Variants in RBM5 observed in about 807,000 individuals in gnomAD.
RBM5 encodes the protein RNA binding motif protein 5.
A neutral mutation model predicts 124.6 loss-of-function variants in RBM5; 15 were observed. The ratio of observed to expected loss-of-function variants is 0.12; its 90% CI spans 0.08 to 0.19. RBM5 has a LOEUF of 0.19. Ranked by LOEUF, RBM5 falls within the 10% of genes least tolerant of loss-of-function variation. RBM5 has a pLI of 1.00. For missense variants in RBM5, 580 were observed against 1,026.5 expected (o/e 0.57, Z 5.94); for synonymous variants, 337 against 361.2 (o/e 0.93, Z 0.76).
chr3:50,099,654 C>G (rs1002517354), intron 4 of RBM5: 1 of 162,426 alleles, frequency 6.2e-6, no homozygotes, highest in Non-Finnish European at 1.3e-5. Flanking sequence ...GCCGAGATCA[C>G]GTCACTGTAC....
At chr3:50,106,890 C>A (rs759715249) in intron 11 of RBM5, 26 bp downstream of exon 11, 1 of 1,504,080 alleles carries the variant, frequency 6.6e-7, no homozygotes. Flanking sequence ...GTCCTTATTT[C>A]AAACTACTGC....
In RBM5 at chr3:50,117,483, T is replaced by G; in HGVS notation, c.2322+104T>G. ...CCTGGGAGCCAGGAGCAGCTTTACC[T>G]TAGCATGAAGGGGCAGATTACAGGC... On this transcript the variant is annotated intron_variant, in intron 24 of 24. Coordinates refer to ENST00000347869, the MANE Select transcript of RBM5 (RefSeq NM_005778.4). The surrounding 1 kb of genome is among the most constrained non-coding windows in gnomAD (Gnocchi z 4.2). 6.6e-7 allele frequency: 1 copy of G among 1,505,440 alleles called. No individual in the cohort carries two copies. Among genetic ancestry groups the G allele is most frequent in the Non-Finnish European group, 9.0e-7 (1 of 1,109,752 alleles). The allele number at this position is 1,505,440 out of a possible 1,614,324, so 93.3% of individuals were successfully genotyped here.
chr3:50,109,721 G>A, intron 15 of RBM5, 33 bp downstream of exon 15: 1 of 1,572,970 alleles, frequency 6.4e-7, no homozygotes, highest in Non-Finnish European at 8.8e-7. Flanking sequence ...AAAACTCGTG[G>A]CTGATGGGGA....
Position 50,100,295 on chromosome 3 carries a change from T to C in RBM5, c.410-237T>C, listed in dbSNP as rs1308633297. 77 of 547,628 alleles carry C rather than the reference T, an allele frequency of 1.4e-4. No homozygotes were observed. Among genetic ancestry groups the C allele is most frequent in the Non-Finnish European group, 1.6e-5 (5 of 312,760 alleles). The allele number at this position is 547,628 out of a possible 1,614,324, so 33.9% of individuals were successfully genotyped here. Reference sequence around the variant, plus strand: ...TTATAAACTCCTTTTTTTTTTTGACTATAGTCGGTTGCATGGTTACTTTAA... The same window carrying C: ...TTATAAACTCCTTTTTTTTTTTGACCATAGTCGGTTGCATGGTTACTTTAA... On this transcript the variant is annotated intron_variant, in intron 5 of 24. Transcript: ENST00000347869. This position sits in a 1 kb window ranked among gnomAD's most constrained non-coding sequence, Gnocchi z 5.1.
chr3:50,102,777 C>T, intron 6 of RBM5: 2 of 337,366 alleles, frequency 5.9e-6, no homozygotes, highest in South Asian at 3.3e-5. Context: ...CACACTCAGG[C>T]AGCCTGTCAA....
Position 50,093,761 on chromosome 3 carries a change from C to G in RBM5, c.225C>G (p.Gly75=). Residue 75 remains glycine (G), a synonymous_variant, in exon 4 of 25, where the codon GGC becomes GGG. Transcript: ENST00000347869. ...ERRNSDRSED[G]YHSDGDYGEH... is the part of the protein sequence containing the mutation. ...GGAACAGTGACCGATCCGAAGATGG[C>G]TACCATTCAGATGGTGACTATGGTG... 6.2e-7 allele frequency: 1 copy of G among 1,613,930 alleles called. No homozygotes were observed. The highest frequency in any genetic ancestry group is 8.5e-7 in the Non-Finnish European group (1 of 1,179,862).
At position 50,105,066 on chromosome 3, in the gene RBM5, T is replaced by C; in HGVS notation, c.629-11T>C. The C allele has an allele frequency of 6.4e-7, 1 of 1,553,024 alleles. No homozygotes were observed. Among genetic ancestry groups the C allele is most frequent in the Non-Finnish European group, 8.9e-7 (1 of 1,127,082 alleles). On this transcript the variant is annotated splice_polypyrimidine_tract_variant and intron_variant, in intron 8 of 24. Coordinates refer to ENST00000347869, the MANE Select transcript of RBM5 (RefSeq NM_005778.4). ...GTTGTTTGTCTCTAATTGGATCACT[T>C]TCCCTTCTAGACTCTGAACAGGAAG...
In RBM5 at chr3:50,100,659, ATTTT is replaced by A; in HGVS notation, c.483+55_483+58del. ...CATGAAAATGGAACAAGTCTGTACA[ATTTT>A]AAAAAAAGGTTGAAGGAGTGGTTTG... is the stretch of plus-strand genomic sequence containing the variant. On this transcript the variant is annotated intron_variant, in intron 6 of 24. Coordinates refer to ENST00000347869, the MANE Select transcript of RBM5 (RefSeq NM_005778.4). The surrounding 1 kb of genome is among the most constrained non-coding windows in gnomAD (Gnocchi z 5.1). 1 of 1,457,534 alleles carries A rather than the reference ATTTT, an allele frequency of 6.9e-7. No homozygotes were observed. Among genetic ancestry groups the A allele is most frequent in the Admixed American group, 1.8e-5 (1 of 55,866 alleles). The allele number at this position is 1,457,534 out of a possible 1,614,324, so 90.3% of individuals were successfully genotyped here.
At position 50,100,830 on chromosome 3, in the gene RBM5, T is replaced by A. The variant is rs2090923717; in HGVS notation, c.483+225T>A. 2.2e-6 allele frequency: 1 copy of A among 446,878 alleles called. No homozygotes were observed. The highest frequency in any genetic ancestry group is 4.0e-6 in the Non-Finnish European group (1 of 250,664). The allele number at this position is 446,878 out of a possible 1,614,324, so 27.7% of individuals were successfully genotyped here. A position where few individuals can be genotyped will look rare whatever the true frequency, so the allele number is the denominator to read the frequency against. ...GGCTACCTACCTGGCAGGGCTTTGTTAACTACTGAATACCTGTCTGGTAAT... is the reference window on the plus strand; with the variant it reads ...GGCTACCTACCTGGCAGGGCTTTGTAAACTACTGAATACCTGTCTGGTAAT... On this transcript the variant is annotated intron_variant, in intron 6 of 24. Coordinates refer to ENST00000347869, the MANE Select transcript of RBM5 (RefSeq NM_005778.4). This position sits in a 1 kb window ranked among gnomAD's most constrained non-coding sequence, Gnocchi z 5.1.
chr3:50,111,783 T>G lies in RBM5; in HGVS notation c.1455+1013T>G, dbSNP rs143657012. On this transcript the variant is annotated intron_variant, in intron 17 of 24. Transcript: ENST00000347869. ...ATTCTTGAGGGTAGAATTTAGCAGA[T>G]GTATGGAGTGATGTTTTATTTTTGG... is the stretch of plus-strand genomic sequence containing the variant. Among the ~76,000 whole-genome samples, 1,065 of 152,312 alleles carry G rather than the reference T, an allele frequency of 7.0e-3. 14 individuals are homozygous for G. Among genetic ancestry groups the G allele is most frequent in the African/African-American group, 0.024 (1,014 of 41,548 alleles).
At chr3:50,102,950 G>A (rs778844558) in intron 6 of RBM5, 133 bp from the exon 7 acceptor site, 5 of 694,820 alleles carry the variant, frequency 7.2e-6, no homozygotes, top group South Asian at 1.5e-5. Flanking sequence ...GAGTATAGGT[G>A]GCGGTGGTTG....
In RBM5 at chr3:50,098,256, C is replaced by G. The variant is rs897130766; in HGVS notation, c.340-1726C>G. On this transcript the variant is annotated intron_variant, in intron 4 of 24. Coordinates refer to ENST00000347869, the MANE Select transcript of RBM5 (RefSeq NM_005778.4). ...ATCCACTGCCTCTTTTAAATCTCAT[C>G]TGAGTCCTTATTTTTATTTTTTTAT... Among the ~76,000 whole-genome samples, 4 of 133,798 alleles carry G rather than the reference C, an allele frequency of 3.0e-5. No individual in the cohort carries two copies. In the East Asian group the frequency reaches 1.1e-3, roughly 38 times the overall value. The allele number at this position is 133,798 out of a possible 152,430, so 87.8% of individuals were successfully genotyped here.
intron 4 of RBM5, among the ~76,000 whole-genome samples, chr3:50,096,124 TG>T (rs1004509725): frequency 5.9e-5 from 9 of 152,112 alleles, no homozygotes; most frequent in Non-Finnish European, 1.3e-4. Flanking sequence ...CACAGAGCTA[TG>T]GATCTTGCCT....
In RBM5 at chr3:50,103,177, G is replaced by A. The variant is rs781425162; in HGVS notation, c.567+11G>A. On this transcript the variant is annotated intron_variant, in intron 7 of 24. Transcript: ENST00000347869. ...TGGCTTTGTAACAAGGTAAGCATAT[G>A]TTCTTCCCAAATAGACAAAACTCCT... The A allele has an allele frequency of 6.3e-7, 1 of 1,588,870 alleles. No homozygotes were observed. The highest frequency in any genetic ancestry group is 8.6e-7 in the Non-Finnish European group (1 of 1,157,538).
intron 1 of RBM5, chr3:50,090,002 A>C (rs2090676253): frequency 5.8e-6 from 1 of 171,504 alleles, no homozygotes; most frequent in Non-Finnish European, 1.3e-5. Context: ...CACTTGGATT[A>C]ATGTTTTAAC....
intron 6 of RBM5, chr3:50,101,868 G>A (rs2090946240): frequency 6.6e-6 from 1 of 152,214 alleles, no homozygotes; most frequent in Non-Finnish European, 1.5e-5. Flanking sequence ...GAGTCTCCCA[G>A]CACACATCCC....
chr3:50,094,095 C>A, intron 4 of RBM5: 1 of 423,158 alleles, frequency 2.4e-6, no homozygotes, highest in East Asian at 3.5e-5. Context: ...ACATGAAATT[C>A]ATTTGTATTT....
At chr3:50,094,648 T>G (rs1297130686) in intron 4 of RBM5, among the ~76,000 whole-genome samples, 1 of 152,142 alleles carries the variant, frequency 6.6e-6, no homozygotes. Flanking sequence ...CCCAGCTAAT[T>G]TATTTTTTGT....
At chr3:50,101,457 C>G (rs950789522) in intron 6 of RBM5, 11 of 152,122 alleles carry the variant, frequency 7.2e-5, no homozygotes, top group Admixed American at 7.2e-4. Context: ...GGTAATATTG[C>G]CATTTATAAC....
Sources: gnomAD v4.1 joint callset for allele counts (sites outside exome capture counted in the v4.1 genomes callset) on GRCh38, gnomAD v4.1.1 for gene constraint, Gnocchi (gnomAD v3.1) non-coding constraint, MANE v1.5 for transcripts, NCBI Gene and HGNC (gene_info 2026-07-23, HGNC 2026-07-21) for gene names.